The following TRAPPC8 variants were observed in gnomAD, a reference collection of about 807,000 sequenced individuals.
TRAPPC8 encodes the protein trafficking protein particle complex subunit 8.
Under a neutral mutation model 174.3 loss-of-function variants are expected in TRAPPC8, and 54 were observed. The ratio of observed to expected loss-of-function variants is 0.31; its 90% CI spans 0.25 to 0.39. The LOEUF (loss-of-function observed/expected upper bound fraction) is 0.39, where lower values mean the gene tolerates loss of function less well. Among genes scored for constraint, TRAPPC8 ranks in the 10% least tolerant of loss-of-function variants. The pLI is 1.00. For synonymous variants in TRAPPC8, 630 were observed against 579.9 expected (o/e 1.09, Z -1.24); for missense variants, 1,531 against 1,699.1 (o/e 0.90, Z 1.74).
intron 19 of TRAPPC8, among the ~76,000 whole-genome samples, chr18:31,858,749 T>C (rs1340738330): frequency 2.6e-5 from 4 of 152,142 alleles, no homozygotes; most frequent in Admixed American, 6.5e-5. Flanking sequence ...AGACAGAAAT[T>C]TGGGCTAATG....
At chr18:31,842,983 T>C (rs568955571) in intron 26 of TRAPPC8, among the ~76,000 whole-genome samples, 445 of 152,306 alleles carry the variant, frequency 2.9e-3, no homozygotes, top group Middle Eastern at 0.01. Flanking sequence ...TTTATGTGAA[T>C]GAATCACTTT....
chr18:31,915,889 A>G (rs1303752499), intron 4 of TRAPPC8, among the ~76,000 whole-genome samples: 26 of 63,262 alleles, frequency 4.1e-4, no homozygotes, highest in African/African-American at 1.0e-3. Context: ...TCCATCTCAG[A>G]AAAAAAAAAA....
chr18:31,899,682 C>A (rs549076840), intron 10 of TRAPPC8, among the ~76,000 whole-genome samples: 248 of 152,286 alleles, frequency 1.6e-3, no homozygotes, highest in Non-Finnish European at 2.7e-3. Flanking sequence ...CGCGGTGGCT[C>A]GCACCTGTAA....
intron 9 of TRAPPC8, among the ~76,000 whole-genome samples, chr18:31,906,581 C>T (rs926500857): frequency 2.0e-5 from 3 of 152,072 alleles, no homozygotes; most frequent in South Asian, 2.1e-4. Flanking sequence ...GCTTACATGT[C>T]TTTTAAAAGA....
At chr18:31,936,340 T>C (rs1170750349) in intron 1 of TRAPPC8, among the ~76,000 whole-genome samples, 1 of 151,864 alleles carries the variant, frequency 6.6e-6, no homozygotes, top group Non-Finnish European at 1.5e-5. Context: ...GATGCAAACC[T>C]GTAATCCCAG....
intron 2 of TRAPPC8, among the ~76,000 whole-genome samples, chr18:31,919,189 C>T (rs577111556): frequency 9.9e-5 from 15 of 152,144 alleles, no homozygotes; most frequent in African/African-American, 1.7e-4. Context: ...TCATGTTCAT[C>T]GTTATAAAAG....
intron 24 of TRAPPC8, among the ~76,000 whole-genome samples, chr18:31,850,338 G>A (rs2033645672): frequency 1.3e-5 from 2 of 152,096 alleles, no homozygotes; most frequent in South Asian, 4.2e-4. Flanking sequence ...AAGTATCTAG[G>A]GAGAATGAAT....
At chr18:31,881,575 C>T (rs1331783268) in intron 12 of TRAPPC8, among the ~76,000 whole-genome samples, 1 of 152,090 alleles carries the variant, frequency 6.6e-6, no homozygotes, top group Non-Finnish European at 1.5e-5. Flanking sequence ...CCCTTCTGGA[C>T]ATCACCCTTG....
chr18:31,844,171 GT>G (rs1363885926), intron 26 of TRAPPC8, among the ~76,000 whole-genome samples: 1 of 152,022 alleles, frequency 6.6e-6, no homozygotes, highest in Non-Finnish European at 1.5e-5. Context: ...TGAAATTTTT[GT>G]TGCAAATAAA....
intron 2 of TRAPPC8, among the ~76,000 whole-genome samples, chr18:31,927,040 T>C (rs1022706639): frequency 2.0e-5 from 3 of 152,210 alleles, no homozygotes; most frequent in African/African-American, 7.2e-5. Flanking sequence ...TGGGGCAAGG[T>C]ACAGATCACT....
Position 31,849,575 on chromosome 18 carries a change from T to C in TRAPPC8, c.3726A>G (p.Ile1242Met), listed in dbSNP as rs771474480. ...ATTTAGTAGCACATACCTTCCATAA[T>C]ATGACAATATTCAAATCTACCTCAC... The part of the protein sequence containing the change: ...KCSEVDLNIV[I>M]LWKAYVVEDS... The change falls in exon 25 of 29, where the codon ATA (isoleucine) becomes ATG (methionine). Residue 1242 changes from isoleucine to methionine, a missense_variant. By Grantham distance (10) the Ile-to-Met change is conservative (BLOSUM62 1). Transcript: ENST00000283351. The C allele has an allele frequency of 1.2e-6, 2 of 1,606,374 alleles. No homozygotes were observed. Among genetic ancestry groups the C allele is most frequent in the East Asian group, 2.2e-5 (1 of 44,640 alleles).
intron 27 of TRAPPC8, among the ~76,000 whole-genome samples, chr18:31,837,223 A>T (rs1414350625): frequency 1.3e-5 from 2 of 152,130 alleles, no homozygotes; most frequent in African/African-American, 4.8e-5. Flanking sequence ...TAAAGATCCA[A>T]CAAGAGTTAA....
chr18:31,837,735 A>G (rs957373756), intron 27 of TRAPPC8, among the ~76,000 whole-genome samples: 2 of 151,842 alleles, frequency 1.3e-5, no homozygotes, highest in African/African-American at 4.9e-5. Context: ...AAGAAGAAAA[A>G]AAAATATTTT....
rs753938988 is a variant in TRAPPC8, at chr18:31,830,862, T to A, written c.4201A>T (p.Asn1401Tyr). The A allele has an allele frequency of 6.2e-7, 1 of 1,614,216 alleles. No individual in the cohort carries two copies. Among genetic ancestry groups the A allele is most frequent in the Non-Finnish European group, 8.5e-7 (1 of 1,180,040 alleles). ...KACFVHTGVY[N>Y]LGTPRVFAKL... ...GCAAATACCCTAGGAGTTCCAAGGT[T>A]ATAAACACCTGTATGAACAAAGCAT... Residue 1401 changes from asparagine (N) to tyrosine (Y), a missense_variant, in exon 29 of 29, where the codon AAC becomes TAC. By Grantham distance (143) the Asn-to-Tyr change is moderately radical (BLOSUM62 -2). Coordinates refer to ENST00000283351, the MANE Select transcript of TRAPPC8 (RefSeq NM_014939.5).
At chr18:31,910,633 A>G (rs1401593404) in intron 5 of TRAPPC8, among the ~76,000 whole-genome samples, 1 of 152,196 alleles carries the variant, frequency 6.6e-6, no homozygotes, top group East Asian at 1.9e-4. Flanking sequence ...CAGACATGCA[A>G]TAGGTCACTT....
At chr18:31,873,356 T>A (rs1266871004) in intron 14 of TRAPPC8, 74 bp downstream of exon 14, 4 of 1,268,118 alleles carry the variant, frequency 3.2e-6, no homozygotes, top group Non-Finnish European at 4.4e-6. Context: ...TACATCGTTT[T>A]TTAAATGGAG....
Position 31,902,348 on chromosome 18 carries a change from TAAC to T in TRAPPC8, c.1390-1326_1390-1324del, listed in dbSNP as rs551963208. Among the ~76,000 whole-genome samples, 349 of 151,944 alleles carry T rather than the reference TAAC, an allele frequency of 2.3e-3. 2 individuals are homozygous for T. Among genetic ancestry groups the T allele is most frequent in the African/African-American group, 8.0e-3 (332 of 41,438 alleles). ...TCGGTCTCAAAAAACAAACAAACAA[TAAC>T]AACAACAACAAAGTATGCTGACCCT... On this transcript the variant is annotated intron_variant, in intron 9 of 28. Transcript: ENST00000283351.
chr18:31,858,051 TAA>T, intron 19 of TRAPPC8, 69 bp from the exon 20 acceptor site: 1 of 1,316,366 alleles, frequency 7.6e-7, no homozygotes, highest in Non-Finnish European at 1.0e-6. Flanking sequence ...AATAACACTT[TAA>T]GACACTTTTT....
chr18:31,924,824 T>G (rs2037545696), intron 2 of TRAPPC8, among the ~76,000 whole-genome samples: 1 of 147,628 alleles, frequency 6.8e-6, no homozygotes, highest in African/African-American at 2.5e-5. Context: ...CAAATAGCAA[T>G]CAATCCTCCC....
Sources: allele counts gnomAD v4.1 joint callset (sites outside exome capture counted in the v4.1 genomes callset), GRCh38; gene constraint gnomAD v4.1.1; transcripts MANE v1.5; gene names NCBI Gene and HGNC (gene_info 2026-07-23, HGNC 2026-07-21).